The following TIAM2 variants were observed in gnomAD, a reference collection of about 807,000 sequenced individuals.
The protein encoded by TIAM2 is rho guanine nucleotide exchange factor TIAM2.
TIAM2 carries 80 observed loss-of-function variants against 152.9 expected under a neutral mutation model. That is an observed-to-expected ratio of 0.52 (90% CI 0.44 to 0.63). The LOEUF is 0.63. Ranked by LOEUF, TIAM2 falls within the 30% of genes least tolerant of loss-of-function variation. TIAM2 has a pLI of 0.00. For synonymous variants in TIAM2, 804 were observed against 838.0 expected, an observed-to-expected ratio of 0.96 and a Z score of 0.70; for missense variants, 1,965 against 2,120.1, an observed-to-expected ratio of 0.93 and a Z score of 1.44.
intron 14 of TIAM2, among the ~76,000 whole-genome samples, chr6:155,199,014 A>T (rs1402602103): frequency 6.6e-6 from 1 of 152,054 alleles, no homozygotes; most frequent in Non-Finnish European, 1.5e-5. Flanking sequence ...TGCCCATGAC[A>T]GTTAATTTGC....
chr6:155,237,406 C>T (rs1782822583), intron 15 of TIAM2, among the ~76,000 whole-genome samples: 1 of 152,214 alleles, frequency 6.6e-6, no homozygotes, highest in African/African-American at 2.4e-5. Context: ...GCACAGGGTG[C>T]AAGATGTCAG....
intron 13 of TIAM2, among the ~76,000 whole-genome samples, chr6:155,182,835 G>A (rs7775329): frequency 0.58 from 88,168 of 152,110 alleles, 25,993 homozygotes; most frequent in Non-Finnish European, 0.63. Flanking sequence ...TCTTGAACCG[G>A]GGAGACAGAG....
chr6:155,246,116 A>G (rs1347276751), intron 19 of TIAM2, among the ~76,000 whole-genome samples: 1 of 151,918 alleles, frequency 6.6e-6, no homozygotes, highest in African/African-American at 2.4e-5. Flanking sequence ...AGGAGCCACA[A>G]CAGCCTACCA....
At chr6:155,209,065 T>G (rs1781656911) in intron 14 of TIAM2, among the ~76,000 whole-genome samples, 1 of 151,954 alleles carries the variant, frequency 6.6e-6, no homozygotes, top group South Asian at 2.1e-4. Flanking sequence ...TGCTCTCCTT[T>G]GAAGTGTTTT....
intron 9 of TIAM2, chr6:155,168,997 T>G: frequency 1.3e-5 from 17 of 1,291,324 alleles, no homozygotes; most frequent in Non-Finnish European, 1.7e-5. Context: ...TTTTTGTTTG[T>G]TTTTGTTTTT....
chr6:155,162,431 G>A (rs1212238912), intron 7 of TIAM2, among the ~76,000 whole-genome samples: 1 of 152,184 alleles, frequency 6.6e-6, no homozygotes, highest in African/African-American at 2.4e-5. Flanking sequence ...TATAATTGTG[G>A]ACTTTCAGGA....
chr6:155,252,113 C>T, intron 23 of TIAM2, 110 bp downstream of exon 23: 1 of 786,948 alleles, frequency 1.3e-6, no homozygotes, highest in Non-Finnish European at 2.1e-6. Flanking sequence ...ACTGATACTG[C>T]TTACTCTGAG....
At chr6:155,117,358 C>A (rs1779039622) in intron 2 of TIAM2, among the ~76,000 whole-genome samples, 1 of 152,120 alleles carries the variant, frequency 6.6e-6, no homozygotes, top group Non-Finnish European at 1.5e-5. Context: ...ATTTACTTGA[C>A]ATTCCAAAAA....
intron 1 of TIAM2, among the ~76,000 whole-genome samples, chr6:155,033,203 G>A (rs895293345): frequency 6.6e-6 from 1 of 152,198 alleles, no homozygotes; most frequent in African/African-American, 2.4e-5. Context: ...GCCCTCTGCA[G>A]CCCTGCCTGC....
intron 14 of TIAM2, among the ~76,000 whole-genome samples, chr6:155,210,772 A>G (rs1583251845): frequency 6.6e-6 from 1 of 152,338 alleles, no homozygotes; most frequent in Non-Finnish European, 1.5e-5. Flanking sequence ...GTAGATTGGA[A>G]TAAGTATAAT....
chr6:155,190,971 T>C (rs758081674), intron 14 of TIAM2, among the ~76,000 whole-genome samples: 9 of 152,276 alleles, frequency 5.9e-5, no homozygotes, highest in Non-Finnish European at 1.3e-4. Flanking sequence ...TCTCACTTTA[T>C]TCCTGCCTAT....
chr6:155,130,806 G>A (rs1329581195), intron 4 of TIAM2, among the ~76,000 whole-genome samples: 1 of 152,160 alleles, frequency 6.6e-6, no homozygotes, highest in African/African-American at 2.4e-5. Flanking sequence ...CCTTCTCACT[G>A]TGTCCTCATG....
chr6:155,233,111 C>A (rs911303274), intron 15 of TIAM2, among the ~76,000 whole-genome samples: 5 of 152,156 alleles, frequency 3.3e-5, no homozygotes, highest in African/African-American at 4.8e-5. Context: ...GCAGTGGACT[C>A]CTGCCACGTA....
At chr6:155,216,191 C>T (rs1286203225) in intron 15 of TIAM2, among the ~76,000 whole-genome samples, 1 of 152,002 alleles carries the variant, frequency 6.6e-6, no homozygotes, top group African/African-American at 2.4e-5. Flanking sequence ...TGGGACTCCC[C>T]CCGCCCCACC....
At chr6:155,178,537 AT>A (rs1780814196) in intron 10 of TIAM2, among the ~76,000 whole-genome samples, 1 of 152,062 alleles carries the variant, frequency 6.6e-6, no homozygotes, top group South Asian at 2.1e-4. Context: ...CTTAAAAATA[AT>A]TGTCCTCCTT....
intron 14 of TIAM2, among the ~76,000 whole-genome samples, chr6:155,188,640 T>A (rs1020823185): frequency 1.3e-5 from 2 of 152,228 alleles, no homozygotes; most frequent in African/African-American, 4.8e-5. Flanking sequence ...GCCAGACCTG[T>A]TTATACTGGG....
intron 14 of TIAM2, among the ~76,000 whole-genome samples, chr6:155,206,152 C>T (rs1781588984): frequency 6.6e-6 from 1 of 152,326 alleles, no homozygotes; most frequent in South Asian, 2.1e-4. Context: ...GATGTGTTCC[C>T]CAGTTGTCTG....
intron 1 of TIAM2, among the ~76,000 whole-genome samples, chr6:155,032,222 C>G (rs1776838649): frequency 6.6e-6 from 1 of 152,148 alleles, no homozygotes; most frequent in South Asian, 2.1e-4. Context: ...CGTCTTAAGC[C>G]TGTGCGAACC....
At chr6:155,149,655 G>T (rs1372192317) in intron 7 of TIAM2, among the ~76,000 whole-genome samples, 3 of 152,088 alleles carry the variant, frequency 2.0e-5, no homozygotes, top group African/African-American at 7.2e-5. Flanking sequence ...GGGCATGGTG[G>T]CTGACGCCTA....
Sources: allele counts gnomAD v4.1 joint callset (sites outside exome capture counted in the v4.1 genomes callset), GRCh38; gene constraint gnomAD v4.1.1; transcripts MANE v1.5; gene names NCBI Gene and HGNC (gene_info 2026-07-23, HGNC 2026-07-21).